The following ATF7IP variants were observed in gnomAD, a reference collection of about 807,000 sequenced individuals.
ATF7IP encodes the protein activating transcription factor 7-interacting protein 1.
A neutral mutation model predicts 106.4 loss-of-function variants in ATF7IP; 23 were observed. That is an observed-to-expected ratio of 0.22 (90% CI 0.16 to 0.31). ATF7IP has a LOEUF of 0.31. Ranked by LOEUF, ATF7IP falls within the 10% of genes least tolerant of loss-of-function variation. The pLI is 1.00. For synonymous variants in ATF7IP, 542 were observed against 539.0 expected (o/e 1.01, Z -0.08); for missense variants, 1,334 against 1,524.3 (o/e 0.88, Z 2.08).
chr12:14,495,249 GTTAATA>G (rs1369567347), intron 13 of ATF7IP, among the ~76,000 whole-genome samples: 5 of 152,102 alleles, frequency 3.3e-5, no homozygotes, highest in African/African-American at 9.7e-5. Context: ...CCCACCCAGG[GTTAATA>G]CTTTGTGTCC....
At chr12:14,367,384 A>G (rs750120854) in intron 1 of ATF7IP, 12 of 152,028 alleles carry the variant, frequency 7.9e-5, no homozygotes, top group Non-Finnish European at 1.3e-4. Context: ...TTCTCAAGAG[A>G]ATATTTGACC....
Position 14,424,037 on chromosome 12 carries a change from T to C in ATF7IP, c.122T>C (p.Val41Ala), listed in dbSNP as rs1941686797. 1.9e-6 allele frequency: 3 copies of C among 1,614,162 alleles called. No individual in the cohort carries two copies. The highest frequency in any genetic ancestry group is 2.5e-6 in the Non-Finnish European group (3 of 1,180,010). ...AAAGAAGAACTGTTGAAAACTGATG[T>C]CAAGCTGTTAAATGGCAACCATGAA... ...KVKEELLKTDVKLLNGNHENG... is the reference protein window; with the variant it reads ...KVKEELLKTDAKLLNGNHENG... The change falls in exon 2 of 15, where the codon GTC (valine) becomes GCC (alanine). Residue 41 changes from valine to alanine, a missense_variant. Transcript: ENST00000261168.
Position 14,486,081 on chromosome 12 carries a change from A to G in ATF7IP, c.3280+4896A>G, listed in dbSNP as rs555257036. Among the ~76,000 whole-genome samples the G allele has an allele frequency of 6.3e-3, 959 of 152,232 alleles. 12 individuals are homozygous for G. Among genetic ancestry groups the G allele is most frequent in the Middle Eastern group, 0.058 (17 of 294 alleles). On this transcript the variant is annotated intron_variant, in intron 13 of 14. Coordinates refer to ENST00000261168, the MANE Select transcript of ATF7IP (RefSeq NM_018179.5). Reference sequence around the variant, plus strand: ...CCTCACCCTACCAGTCAAGGAGCCAATGTGGTGGTTCTGCCAGCTGCTAAG... The same window carrying G: ...CCTCACCCTACCAGTCAAGGAGCCAGTGTGGTGGTTCTGCCAGCTGCTAAG...
intron 2 of ATF7IP, among the ~76,000 whole-genome samples, chr12:14,433,625 G>C (rs1406311070): frequency 1.3e-5 from 2 of 151,012 alleles, no homozygotes; most frequent in East Asian, 3.9e-4. Flanking sequence ...AGACGAGATC[G>C]CCCCACTGCA....
intron 12 of ATF7IP, 122 bp from the exon 13 acceptor site, chr12:14,480,881 G>A: frequency 2.5e-6 from 2 of 810,756 alleles, no homozygotes; most frequent in Non-Finnish European, 3.9e-6. Flanking sequence ...AAAGGAGACT[G>A]TTATTTCTGT....
Position 14,384,528 on chromosome 12 carries a change from A to G in ATF7IP, c.-8+18701A>G, listed in dbSNP as rs528106977. ...AAAGTTGGGAGGTCTTTGTCAGGGC[A>G]TGAAATGTAATTTGCCCTGGGACTA... On this transcript the variant is annotated intron_variant, in intron 1 of 14. Coordinates refer to ENST00000261168, the MANE Select transcript of ATF7IP (RefSeq NM_018179.5). Among the ~76,000 whole-genome samples, 5 of 152,284 alleles carry G rather than the reference A, an allele frequency of 3.3e-5. No individual in the cohort carries two copies. In the East Asian group the frequency reaches 9.6e-4, roughly 29 times the overall value.
At chr12:14,457,063 A>G (rs1943455433) in intron 7 of ATF7IP, 144 bp from the exon 8 acceptor site, 1 of 681,812 alleles carries the variant, frequency 1.5e-6, no homozygotes, top group Admixed American at 3.0e-5. Flanking sequence ...GCTATGCCTC[A>G]CTGTTTTTGC....
At chr12:14,432,946 CATTG>C (rs1257215827) in intron 2 of ATF7IP, among the ~76,000 whole-genome samples, 6 of 152,088 alleles carry the variant, frequency 3.9e-5, no homozygotes, top group Admixed American at 1.3e-4. Flanking sequence ...GTTGAAGAGA[CATTG>C]ATTGATTGAC....
In ATF7IP at chr12:14,498,029, G is replaced by C. The variant is rs1489145039; in HGVS notation, c.3769G>C (p.Asp1257His). Residue 1257 changes from aspartate (D) to histidine (H), a missense_variant, in exon 15 of 15, where the codon GAT becomes CAT. Asp to His is a moderately conservative substitution (Grantham distance 81). Coordinates refer to ENST00000261168, the MANE Select transcript of ATF7IP (RefSeq NM_018179.5). ...TTATGGACGTTTTGGGCCTTTCTGT[G>C]ATCCTCAGTCAACAGATGTGATCTC... is the stretch of plus-strand genomic sequence containing the variant. ...DIYGRFGPFC[D>H]PQSTDVISST... 2 of 1,612,366 alleles carry C rather than the reference G, an allele frequency of 1.2e-6. No homozygotes were observed. The highest frequency in any genetic ancestry group is 1.7e-6 in the Non-Finnish European group (2 of 1,178,606).
chr12:14,447,174 C>T (rs1367752881), intron 6 of ATF7IP, 121 bp downstream of exon 6: 1 of 542,234 alleles, frequency 1.8e-6, no homozygotes, highest in African/African-American at 2.0e-5. Context: ...GTGTACTCCT[C>T]TATGTAATTT....
intron 5 of ATF7IP, 123 bp downstream of exon 5, chr12:14,438,390 AGTTT>A (rs1308939774): frequency 4.3e-6 from 4 of 935,436 alleles, no homozygotes; most frequent in Non-Finnish European, 4.6e-6. Flanking sequence ...AAGGAAAAGG[AGTTT>A]GTTTAGTTTG....
At chr12:14,478,854 T>C (rs1944345243) in intron 12 of ATF7IP, among the ~76,000 whole-genome samples, 1 of 152,198 alleles carries the variant, frequency 6.6e-6, no homozygotes, top group African/African-American at 2.4e-5. Context: ...TGGTTAAATA[T>C]GCTTGGGAAA....
At chr12:14,459,641 C>T (rs1293306216) in intron 8 of ATF7IP, among the ~76,000 whole-genome samples, 1 of 152,138 alleles carries the variant, frequency 6.6e-6, no homozygotes, top group African/African-American at 2.4e-5. Context: ...TGCAAACTCC[C>T]TGAAAGGGTC....
intron 1 of ATF7IP, among the ~76,000 whole-genome samples, chr12:14,418,166 T>A (rs1168605131): frequency 1.3e-5 from 2 of 152,136 alleles, no homozygotes. Context: ...CAGAGAGACT[T>A]ATTTGCAGGT....
Position 14,425,195 on chromosome 12 carries a change from C to T in ATF7IP, c.1280C>T (p.Thr427Ile), listed in dbSNP as rs1941775654. The T allele has an allele frequency of 6.3e-7, 1 of 1,597,164 alleles. No homozygotes were observed. Among genetic ancestry groups the T allele is most frequent in the Non-Finnish European group, 8.5e-7 (1 of 1,175,312 alleles). The change falls in exon 2 of 15, where the codon ACA (threonine) becomes ATA (isoleucine). Residue 427 changes from threonine (T) to isoleucine (I), a missense_variant. Physicochemically the swap from Thr to Ile is moderately conservative, Grantham distance 89. Transcript: ENST00000261168. ...AAAAGTGAGAATATCTTAGAAAATA[C>T]AGACTCTATGGAGACAGATGAAATC... ...DNKSENILEN[T>I]DSMETDEIIP...
chr12:14,395,171 C>T (rs548120736), intron 1 of ATF7IP: 2 of 151,914 alleles, frequency 1.3e-5, no homozygotes, highest in South Asian at 4.2e-4. Flanking sequence ...TCTGCATTAG[C>T]TTTTAATGTT....
chr12:14,494,732 A>T (rs1276027031), intron 13 of ATF7IP, among the ~76,000 whole-genome samples: 2 of 151,574 alleles, frequency 1.3e-5, no homozygotes, highest in East Asian at 3.9e-4. Flanking sequence ...CAGGAGTTCG[A>T]GATGAGCCTG....
chr12:14,384,280 A>G (rs923704002), intron 1 of ATF7IP, among the ~76,000 whole-genome samples: 1 of 152,206 alleles, frequency 6.6e-6, no homozygotes, highest in Non-Finnish European at 1.5e-5. Flanking sequence ...AGAGAGAAAG[A>G]AAATGTGGAT....
At chr12:14,397,836 A>G (rs1170637352) in intron 1 of ATF7IP, among the ~76,000 whole-genome samples, 2 of 152,166 alleles carry the variant, frequency 1.3e-5, no homozygotes, top group Non-Finnish European at 2.9e-5. Context: ...TGTGATGCTC[A>G]GAACCAAACA....
Sources: allele counts gnomAD v4.1 joint callset (sites outside exome capture counted in the v4.1 genomes callset), GRCh38; gene constraint gnomAD v4.1.1; transcripts MANE v1.5; gene names NCBI Gene and HGNC (gene_info 2026-07-23, HGNC 2026-07-21).